Variants in SMOX observed in about 807,000 individuals in gnomAD.
SMOX encodes the protein flavin containing amine oxidase.
A neutral mutation model predicts 51.0 loss-of-function variants in SMOX; 22 were observed. The observed-to-expected ratio is 0.43, with a 90% CI of 0.31 to 0.62. The LOEUF (loss-of-function observed/expected upper bound fraction) is 0.62, where lower values mean the gene tolerates loss of function less well. Among genes scored for constraint, SMOX ranks in the 20% least tolerant of loss-of-function variants. SMOX has a pLI of 0.10. For missense variants in SMOX, 566 were observed against 777.7 expected, an observed-to-expected ratio of 0.73 and a Z score of 3.24; for synonymous variants, 282 against 307.8, an observed-to-expected ratio of 0.92 and a Z score of 0.88.
intron 1 of SMOX, among the ~76,000 whole-genome samples, chr20:4,158,103 T>A (rs1332730640): frequency 6.7e-6 from 1 of 149,806 alleles, no homozygotes; most frequent in African/African-American, 2.5e-5. Flanking sequence ...TGTTTCACCT[T>A]GTTAGCCAGG....
At chr20:4,179,899 G>C (rs1008826107) in intron 3 of SMOX, among the ~76,000 whole-genome samples, 1 of 152,148 alleles carries the variant, frequency 6.6e-6, no homozygotes, top group African/African-American at 2.4e-5. Flanking sequence ...GGAAGGTGTC[G>C]AATAACCCAG....
chr20:4,157,827 C>T (rs1348379238), intron 1 of SMOX, among the ~76,000 whole-genome samples: 1 of 152,118 alleles, frequency 6.6e-6, no homozygotes, highest in Admixed American at 6.5e-5. Context: ...TCGCCTCTGC[C>T]ACACCTCCTT....
chr20:4,186,640 C>A, intron 6 of SMOX: 2 of 720,352 alleles, frequency 2.8e-6, no homozygotes, highest in Admixed American at 1.9e-5. Flanking sequence ...GATCCCCTGA[C>A]ACTGGGCCTC....
At chr20:4,156,313 C>T (rs538203093) in intron 1 of SMOX, among the ~76,000 whole-genome samples, 11 of 152,254 alleles carry the variant, frequency 7.2e-5, no homozygotes, top group South Asian at 6.2e-4. Context: ...TGGAAGGCCA[C>T]GAACATGGTA....
In SMOX at chr20:4,167,575, G is replaced by C. The variant is rs1259092247; in HGVS notation, c.-26-7455G>C. 6.6e-6 allele frequency among the ~76,000 whole-genome samples: 1 copy of C among 152,166 alleles called. No homozygotes were observed. Among genetic ancestry groups the C allele is most frequent in the Non-Finnish European group, 1.5e-5 (1 of 68,036 alleles). ...GGTACAGAGGGTGCGTCCTTGGAGT[G>C]AGTTCAGAGGTGTTGGCCAAGTGGG... On this transcript the variant is annotated intron_variant, in intron 1 of 6. Coordinates refer to ENST00000305958, the MANE Select transcript of SMOX (RefSeq NM_175839.3). The surrounding 1 kb of genome is among the most constrained non-coding windows in gnomAD (Gnocchi z 4.8).
chr20:4,174,116 G>C (rs1454745271), intron 1 of SMOX, among the ~76,000 whole-genome samples: 1 of 152,248 alleles, frequency 6.6e-6, no homozygotes, highest in Non-Finnish European at 1.5e-5. Context: ...CAGGCTTGTT[G>C]GATGCAGGCC....
At chr20:4,164,788 G>A (rs1483528351) in intron 1 of SMOX, among the ~76,000 whole-genome samples, 1 of 152,160 alleles carries the variant, frequency 6.6e-6, no homozygotes, top group Non-Finnish European at 1.5e-5. Context: ...GGGCAGCTGT[G>A]AGCACCATCG....
rs1015358175 is a variant in SMOX, at chr20:4,170,557, A to C, written c.-26-4473A>C. ...TCTCAGCTCACTGCAACTAGAGCGT[A>C]AATTTCTGAGGGTGTCAAAATGAAA... On this transcript the variant is annotated intron_variant, in intron 1 of 6. Transcript: ENST00000305958. This position sits in a 1 kb window ranked among gnomAD's most constrained non-coding sequence, Gnocchi z 4.6. Among the ~76,000 whole-genome samples the C allele has an allele frequency of 9.9e-5, 15 of 152,050 alleles. No individual in the cohort carries two copies. Among genetic ancestry groups the C allele is most frequent in the Non-Finnish European group, 1.8e-4 (12 of 68,010 alleles).
Position 4,183,370 on chromosome 20 carries a change from C to T in SMOX, c.1370-124C>T, listed in dbSNP as rs1979495802. 7.0e-7 allele frequency: 1 copy of T among 1,422,378 alleles called. No individual in the cohort carries two copies. Among genetic ancestry groups the T allele is most frequent in the Non-Finnish European group, 9.9e-7 (1 of 1,014,434 alleles). The allele number at this position is 1,422,378 out of a possible 1,614,324, so 88.1% of individuals were successfully genotyped here. On this transcript the variant is annotated intron_variant, in intron 5 of 6. Coordinates refer to ENST00000305958, the MANE Select transcript of SMOX (RefSeq NM_175839.3). The surrounding 1 kb of genome is among the most constrained non-coding windows in gnomAD (Gnocchi z 4.3). ...CTTCCTCTTCTATCCTCCGTGCCTACCCCTGGCAGTCTGGTCCTCCCGGAG... is the reference window on the plus strand; with the variant it reads ...CTTCCTCTTCTATCCTCCGTGCCTATCCCTGGCAGTCTGGTCCTCCCGGAG...
intron 3 of SMOX, among the ~76,000 whole-genome samples, chr20:4,178,853 T>C (rs1379458269): frequency 6.6e-6 from 1 of 152,116 alleles, no homozygotes; most frequent in Non-Finnish European, 1.5e-5. Context: ...CCAGCTAATT[T>C]TGTATTTTTA....
intron 1 of SMOX, among the ~76,000 whole-genome samples, chr20:4,159,518 G>C (rs995860964): frequency 4.6e-5 from 7 of 152,216 alleles, no homozygotes; most frequent in Admixed American, 1.3e-4. Context: ...CTGAATCTCA[G>C]TTGCCTCCTC....
chr20:4,151,078 C>A (rs1239801519), intron 1 of SMOX, among the ~76,000 whole-genome samples: 2 of 152,136 alleles, frequency 1.3e-5, no homozygotes, highest in African/African-American at 4.8e-5. Flanking sequence ...GTGATCCACC[C>A]ATCTTGGCCT....
Position 4,177,598 on chromosome 20 carries a change from C to A in SMOX, c.435+21C>A. On this transcript the variant is annotated intron_variant, in intron 3 of 6. Coordinates refer to ENST00000305958, the MANE Select transcript of SMOX (RefSeq NM_175839.3). The surrounding 1 kb of genome is among the most constrained non-coding windows in gnomAD (Gnocchi z 4.3). ...ACGAGGTAAGGTGTGAGCAGAGTAG[C>A]TGGGCGTAAGGGCATGGGGAGACCT... 1 of 1,563,260 alleles carries A rather than the reference C, an allele frequency of 6.4e-7. No homozygotes were observed. Among genetic ancestry groups the A allele is most frequent in the Non-Finnish European group, 8.7e-7 (1 of 1,152,780 alleles).
chr20:4,174,923 C>G, intron 1 of SMOX, 107 bp from the exon 2 acceptor site: 1 of 1,160,540 alleles, frequency 8.6e-7, no homozygotes, highest in South Asian at 1.4e-5. Context: ...TCCAGGTCCC[C>G]CCACCCACAA....
chr20:4,161,927 C>T (rs1256903556), intron 1 of SMOX, among the ~76,000 whole-genome samples: 1 of 152,254 alleles, frequency 6.6e-6, no homozygotes, highest in African/African-American at 2.4e-5. Context: ...ACTGGTCCCA[C>T]CCTAGGCCGG....
chr20:4,154,473 T>G (rs2122371128), intron 1 of SMOX, among the ~76,000 whole-genome samples: 1 of 152,096 alleles, frequency 6.6e-6, no homozygotes, highest in South Asian at 2.1e-4. Context: ...CCTCCTGGAT[T>G]TAAACAATTC....
intron 1 of SMOX, among the ~76,000 whole-genome samples, chr20:4,165,651 A>G (rs768096478): frequency 1.3e-5 from 2 of 152,184 alleles, no homozygotes; most frequent in Non-Finnish European, 2.9e-5. Flanking sequence ...CTGGGGATAC[A>G]GGAGGCTGGT....
intron 1 of SMOX, among the ~76,000 whole-genome samples, chr20:4,173,094 T>C (rs980896388): frequency 3.9e-5 from 6 of 152,324 alleles, no homozygotes; most frequent in African/African-American, 1.2e-4. Flanking sequence ...GTGAGGTCTA[T>C]GTAGATACAT....
intron 1 of SMOX, among the ~76,000 whole-genome samples, chr20:4,156,905 G>A (rs1204076923): frequency 1.3e-5 from 2 of 152,160 alleles, no homozygotes; most frequent in African/African-American, 4.8e-5. Flanking sequence ...ACCACGCCCT[G>A]CTAATTTTTG....
Sources: gnomAD v4.1 joint callset for allele counts (sites outside exome capture counted in the v4.1 genomes callset) on GRCh38, gnomAD v4.1.1 for gene constraint, Gnocchi (gnomAD v3.1) non-coding constraint, MANE v1.5 for transcripts, NCBI Gene and HGNC (gene_info 2026-07-23, HGNC 2026-07-21) for gene names.